The following ITGA1 variants were observed in gnomAD, a reference collection of about 807,000 sequenced individuals.
The protein encoded by ITGA1 is integrin alpha-1.
A neutral mutation model predicts 145.9 loss-of-function variants in ITGA1; 85 were observed. That is an observed-to-expected ratio of 0.58 (90% CI 0.49 to 0.70). The LOEUF (loss-of-function observed/expected upper bound fraction) is 0.70. Ranked by LOEUF, ITGA1 falls within the 30% of genes least tolerant of loss-of-function variation. ITGA1 has a pLI of 0.00. For missense variants in ITGA1, 1,351 were observed against 1,418.7 expected, an observed-to-expected ratio of 0.95 and a Z score of 0.77; for synonymous variants, 520 against 495.3, an observed-to-expected ratio of 1.05 and a Z score of -0.66.
At chr5:52,801,554 G>C (rs1304612648) in intron 1 of ITGA1, 2 of 1,614,036 alleles carry the variant, frequency 1.2e-6, no homozygotes, top group African/African-American at 1.3e-5. Flanking sequence ...GAACCGGATC[G>C]AGCTTTCTAT....
chr5:52,809,090 G>A (rs1227780002), intron 1 of ITGA1, among the ~76,000 whole-genome samples: 5 of 152,168 alleles, frequency 3.3e-5, no homozygotes, highest in Admixed American at 6.5e-5. Context: ...CAGTTTTGAA[G>A]TCTTGTTCAT....
At chr5:52,943,436 A>T (rs907383027) in intron 26 of ITGA1, among the ~76,000 whole-genome samples, 9 of 152,054 alleles carry the variant, frequency 5.9e-5, no homozygotes, top group African/African-American at 1.7e-4. Context: ...TAGCAAAGTA[A>T]TTTTTGGTGT....
In ITGA1 at chr5:52,937,554, T is replaced by C. The variant is rs1460060003; in HGVS notation, c.3078+40T>C. The C allele has an allele frequency of 2.5e-6, 3 of 1,204,040 alleles. No individual in the cohort carries two copies. In the South Asian group the frequency reaches 3.7e-5, roughly 15 times the overall value. 74.6% of individuals were successfully genotyped at this position (1,204,040 alleles called of 1,614,324 possible). ...CCTTGGAATTATGTCATTACTGTTA[T>C]CTTTTCCACTTTATGTTTAAGCCTT... is the stretch of plus-strand genomic sequence containing the variant. On this transcript the variant is annotated intron_variant, in intron 24 of 28. Transcript: ENST00000282588.
At chr5:52,906,001 C>A in intron 12 of ITGA1, 93 bp downstream of exon 12, 1 of 1,095,926 alleles carries the variant, frequency 9.1e-7, no homozygotes, top group Non-Finnish European at 1.3e-6. Context: ...AATGCAATAC[C>A]CACATATTCA....
At chr5:52,897,656 A>G (rs1579705120) in intron 10 of ITGA1, 128 bp downstream of exon 10, 3 of 642,660 alleles carry the variant, frequency 4.7e-6, no homozygotes, top group South Asian at 1.9e-5. Context: ...GCAGGCTATG[A>G]TGATGTTTTC....
chr5:52,912,104 G>A (rs62651800), intron 14 of ITGA1, among the ~76,000 whole-genome samples: 117,102 of 137,872 alleles, frequency 0.85, 50,024 homozygotes, highest in African/African-American at 0.96. Context: ...TATATATAGC[G>A]TATCTAGTAT....
At chr5:52,920,076 A>T (rs1419775603) in intron 16 of ITGA1, among the ~76,000 whole-genome samples, 1 of 152,298 alleles carries the variant, frequency 6.6e-6, no homozygotes, top group Admixed American at 6.5e-5. Flanking sequence ...GCATGTGTGT[A>T]TAAGAATTAT....
rs944394904 is a variant in ITGA1 at position 52,898,489 on chromosome 5, A to G, written c.1309+106A>G. The G allele has an allele frequency of 4.8e-6, 5 of 1,031,772 alleles. No individual in the cohort carries two copies. In the South Asian group the frequency reaches 5.6e-5, roughly 12 times the overall value. 63.9% of individuals were successfully genotyped at this position (1,031,772 alleles called of 1,614,324 possible). A position where few individuals can be genotyped will look rare whatever the true frequency, so the allele number is the denominator to read the frequency against. On this transcript the variant is annotated intron_variant, in intron 11 of 28. Transcript: ENST00000282588. ...AGGCTTGCAACCATATAGCAGGATT[A>G]TTTCAACAAGTTGGGTATTTTCCAG...
chr5:52,873,500 A>G (rs537583126), intron 6 of ITGA1, among the ~76,000 whole-genome samples: 6 of 152,194 alleles, frequency 3.9e-5, no homozygotes, highest in Non-Finnish European at 8.8e-5. Context: ...TTGTTTCCTT[A>G]GGAAATAATC....
At chr5:52,891,802 G>A (rs967390530) in intron 8 of ITGA1, among the ~76,000 whole-genome samples, 7 of 151,556 alleles carry the variant, frequency 4.6e-5, no homozygotes, top group African/African-American at 1.5e-4. Context: ...AATAGAATTA[G>A]GTCATATCTA....
At chr5:52,816,384 T>C (rs1187575073) in intron 1 of ITGA1, among the ~76,000 whole-genome samples, 2 of 152,196 alleles carry the variant, frequency 1.3e-5, no homozygotes, top group Non-Finnish European at 2.9e-5. Flanking sequence ...TGTTAGCCAC[T>C]CACAGTCACA....
Position 52,881,864 on chromosome 5 carries a change from G to C in ITGA1, c.625-9G>C. 6.2e-7 allele frequency: 1 copy of C among 1,601,214 alleles called. No individual in the cohort carries two copies. The highest frequency in any genetic ancestry group is 1.1e-5 in the South Asian group (1 of 89,350). ...TTGACGTATAACTCACAGTGGCTTG[G>C]TATTTCAGGTTGGAATTGTACAGTA... is the stretch of plus-strand genomic sequence containing the variant. On this transcript the variant is annotated splice_polypyrimidine_tract_variant and intron_variant, in intron 6 of 28. Coordinates refer to ENST00000282588, the MANE Select transcript of ITGA1 (RefSeq NM_181501.2).
At chr5:52,910,856 T>TAC (rs1331117183) in intron 14 of ITGA1, among the ~76,000 whole-genome samples, 1 of 141,866 alleles carries the variant, frequency 7.0e-6, no homozygotes, top group Admixed American at 7.3e-5. Context: ...AGTGTATATA[T>TAC]ACACACTATA....
At chr5:52,859,584 C>A (rs1192009607) in intron 2 of ITGA1, among the ~76,000 whole-genome samples, 1 of 152,138 alleles carries the variant, frequency 6.6e-6, no homozygotes, top group Non-Finnish European at 1.5e-5. Flanking sequence ...ATAGGGCCTA[C>A]ACAAAATAAA....
At chr5:52,940,048 C>A (rs41311617) in intron 26 of ITGA1, 104 bp downstream of exon 26, 13 of 734,964 alleles carry the variant, frequency 1.8e-5, no homozygotes, top group African/African-American at 5.2e-5. Flanking sequence ...AAAGAATGTG[C>A]GACTGGAAGT....
intron 12 of ITGA1, 128 bp from the exon 13 acceptor site, chr5:52,908,770 T>C (rs1440124365): frequency 2.1e-6 from 2 of 971,470 alleles, no homozygotes; most frequent in Non-Finnish European, 3.1e-6. Flanking sequence ...AGCATCAATT[T>C]TTATCTTTCA....
chr5:52,847,743 T>C (rs1234411620), intron 1 of ITGA1, among the ~76,000 whole-genome samples: 3 of 152,170 alleles, frequency 2.0e-5, no homozygotes, highest in African/African-American at 2.4e-5. Flanking sequence ...TTAGTAGAGA[T>C]GGGATTTCAT....
At chr5:52,857,112 C>T (rs6894627) in intron 2 of ITGA1, among the ~76,000 whole-genome samples, 44,606 of 152,084 alleles carry the variant, frequency 0.29, 7,130 homozygotes, top group African/African-American at 0.42. Flanking sequence ...GCATTCTATT[C>T]ATCAAAACAA....
At chr5:52,843,378 C>A (rs1425153958) in intron 1 of ITGA1, among the ~76,000 whole-genome samples, 2 of 152,098 alleles carry the variant, frequency 1.3e-5, no homozygotes, top group African/African-American at 2.4e-5. Context: ...TTATTTGATA[C>A]CCTCTTGCCT....
Sources: gnomAD v4.1 joint callset for allele counts (sites outside exome capture counted in the v4.1 genomes callset) on GRCh38, gnomAD v4.1.1 for gene constraint, MANE v1.5 for transcripts, NCBI Gene and HGNC (gene_info 2026-07-23, HGNC 2026-07-21) for gene names.